Variants in ABCB5 observed in about 807,000 individuals in gnomAD.
The protein encoded by ABCB5 is ATP binding cassette subfamily B member 5.
Under a neutral mutation model 144.2 loss-of-function variants are expected in ABCB5, and 155 were observed. That is an observed-to-expected ratio of 1.08 (90% CI 0.94 to 1.23). The LOEUF (loss-of-function observed/expected upper bound fraction) is 1.23. Ranked by LOEUF, ABCB5 falls within the 50% of genes most tolerant of loss-of-function variation. ABCB5 has a pLI of 0.00. For missense variants in ABCB5, 1,830 were observed against 1,520.8 expected (o/e 1.20, Z -3.38); for synonymous variants, 610 against 528.6 (o/e 1.15, Z -2.11).
At chr7:20,742,688 C>CA (rs748777230) in intron 24 of ABCB5, among the ~76,000 whole-genome samples, 189 bp from the exon 25 acceptor site, 35 of 152,208 alleles carry the variant, frequency 2.3e-4, no homozygotes, top group South Asian at 1.0e-3. Context: ...AACACAGACA[C>CA]AAAAAAATAT....
At chr7:20,728,763 AAATT>A (rs1782120235) in intron 23 of ABCB5, among the ~76,000 whole-genome samples, 1 of 152,142 alleles carries the variant, frequency 6.6e-6, no homozygotes, top group African/African-American at 2.4e-5. Context: ...CAAAATAAAT[AAATT>A]AATTAATAAG....
Position 20,717,883 on chromosome 7 carries a change from C to CTTTTTTTTT in ABCB5, c.2422-5105_2422-5097dup, listed in dbSNP as rs574592723. ...AATACGGTAACATTCTTGTAACATT[C>CTTTTTTTTT]TTTTTTTTTTTTTTTTTTTTTTTTT... is the stretch of plus-strand genomic sequence containing the variant. On this transcript the variant is annotated intron_variant, in intron 20 of 27. Transcript: ENST00000404938. Among the ~76,000 whole-genome samples, 25 of 43,210 alleles carry CTTTTTTTTT rather than the reference C, an allele frequency of 5.8e-4. 11 individuals are homozygous for CTTTTTTTTT. Among genetic ancestry groups the CTTTTTTTTT allele is most frequent in the Admixed American group, 1.1e-3 (3 of 2,772 alleles). The allele number at this position is 43,210 out of a possible 152,430, so 28.3% of individuals were successfully genotyped here.
In ABCB5 at chr7:20,645,751, T is replaced by A; in HGVS notation, c.679-5T>A. On this transcript the variant is annotated splice_region_variant and splice_polypyrimidine_tract_variant and intron_variant, in intron 7 of 27. Transcript: ENST00000404938. The stretch of plus-strand genomic sequence containing the variant: ...TTTTTTAACTGTGGTTGTGGTTTAT[T>A]ACAGATGGTCATCTCATTGACCAGT... The A allele has an allele frequency of 6.2e-7, 1 of 1,613,634 alleles. No individual in the cohort carries two copies. The highest frequency in any genetic ancestry group is 1.1e-5 in the South Asian group (1 of 91,018).
In ABCB5 at chr7:20,753,453, A is replaced by C. The variant is rs749335246; in HGVS notation, c.3523A>C (p.Lys1175Gln). 1.2e-5 allele frequency: 19 copies of C among 1,614,132 alleles called. No individual in the cohort carries two copies. The highest frequency in any genetic ancestry group is 1.5e-5 in the Non-Finnish European group (18 of 1,179,982). Reference protein sequence around the residue: ...AIARALLQKPKILLLDEATSA... With the variant: ...AIARALLQKPQILLLDEATSA... The stretch of plus-strand genomic sequence containing the variant: ...TGCAAGGGCTCTTCTCCAAAAACCC[A>C]AAATTTTATTGTTGGATGAGGCCAC... Residue 1175 changes from lysine (K) to glutamine (Q), a missense_variant, in exon 27 of 28, where the codon AAA (lysine) becomes CAA (glutamine). Transcript: ENST00000404938.
chr7:20,688,596 T>G (rs1786086953), intron 16 of ABCB5, among the ~76,000 whole-genome samples: 1 of 152,214 alleles, frequency 6.6e-6, no homozygotes, highest in African/African-American at 2.4e-5. Flanking sequence ...AAATACCATT[T>G]GACCCAGCCA....
intron 20 of ABCB5, among the ~76,000 whole-genome samples, chr7:20,712,181 A>AG (rs1393293697): frequency 1.5e-5 from 2 of 131,686 alleles, no homozygotes; most frequent in East Asian, 4.8e-4. Context: ...AAAAAAAAAA[A>AG]AGATATTGAG....
chr7:20,693,507 A>G (rs935313924), intron 16 of ABCB5, among the ~76,000 whole-genome samples: 27 of 152,210 alleles, frequency 1.8e-4, no homozygotes, highest in African/African-American at 6.5e-4. Context: ...TAATGCACAA[A>G]TCAAAGGAAA....
In ABCB5 at chr7:20,755,820, T is replaced by C. The variant is rs1182463874; in HGVS notation, c.*196T>C. ...AGGAAGCAAAAATTTGCTTATTTCATGTAAGTGAAATAATGCTTATATCCT... is the reference window on the plus strand; with the variant it reads ...AGGAAGCAAAAATTTGCTTATTTCACGTAAGTGAAATAATGCTTATATCCT... On this transcript the variant is annotated 3_prime_UTR_variant, in exon 28 of 28. Coordinates refer to ENST00000404938, the MANE Select transcript of ABCB5 (RefSeq NM_001163941.2). 4 of 571,834 alleles carry C rather than the reference T, an allele frequency of 7.0e-6. No homozygotes were observed. Among genetic ancestry groups the C allele is most frequent in the South Asian group, 2.4e-5 (1 of 42,526 alleles). 35.4% of individuals were successfully genotyped at this position (571,834 alleles called of 1,614,324 possible).
At chr7:20,620,228 C>T (rs1479786630) in intron 1 of ABCB5, among the ~76,000 whole-genome samples, 1 of 152,116 alleles carries the variant, frequency 6.6e-6, no homozygotes, top group African/African-American at 2.4e-5. Context: ...TGAACTCTTA[C>T]TTTACACCAT....
chr7:20,672,973 C>A (rs1340170936), intron 14 of ABCB5, among the ~76,000 whole-genome samples: 2 of 151,704 alleles, frequency 1.3e-5, no homozygotes, highest in Middle Eastern at 3.2e-3. Context: ...TCCATTTTTT[C>A]TTTTTCTTTT....
chr7:20,660,386 G>A, intron 14 of ABCB5: 1 of 985,540 alleles, frequency 1.0e-6, no homozygotes, highest in Non-Finnish European at 1.2e-6. Context: ...TTAAATCAAT[G>A]TAGAAATAGG....
chr7:20,739,572 A>G (rs1480162134), intron 24 of ABCB5, among the ~76,000 whole-genome samples: 3 of 152,118 alleles, frequency 2.0e-5, no homozygotes, highest in Non-Finnish European at 4.4e-5. Context: ...TAAAATTTAT[A>G]TTTCATATTT....
intron 23 of ABCB5, among the ~76,000 whole-genome samples, chr7:20,737,223 AG>A (rs1782409536): frequency 6.6e-6 from 1 of 151,664 alleles, no homozygotes; most frequent in Non-Finnish European, 1.5e-5. Flanking sequence ...AACACCTCAA[AG>A]TCCACACTTC....
At chr7:20,689,659 C>T (rs574092195) in intron 16 of ABCB5, among the ~76,000 whole-genome samples, 1 of 152,136 alleles carries the variant, frequency 6.6e-6, no homozygotes, top group Admixed American at 6.5e-5. Flanking sequence ...AAAAACTATG[C>T]AGGCAGAACA....
intron 16 of ABCB5, among the ~76,000 whole-genome samples, chr7:20,692,084 C>T (rs1456984343): frequency 1.3e-5 from 2 of 152,072 alleles, no homozygotes; most frequent in Non-Finnish European, 2.9e-5. Flanking sequence ...AGAAATAATG[C>T]TTTAAAAATT....
At chr7:20,622,639 G>A (rs556931920) in intron 1 of ABCB5, among the ~76,000 whole-genome samples, 49 of 152,146 alleles carry the variant, frequency 3.2e-4, no homozygotes, top group African/African-American at 1.1e-3. Context: ...ATAATAAAAT[G>A]ATAATTTATA....
At chr7:20,726,896 A>C in intron 21 of ABCB5, 144 bp from the exon 22 acceptor site, 1 of 468,662 alleles carries the variant, frequency 2.1e-6, no homozygotes, top group Non-Finnish European at 3.7e-6. Context: ...TCTGGGAGGA[A>C]AGGAAGCTAA....
At chr7:20,664,071 A>G (rs768043338) in intron 14 of ABCB5, among the ~76,000 whole-genome samples, 19 of 151,944 alleles carry the variant, frequency 1.3e-4, no homozygotes, top group Non-Finnish European at 2.5e-4. Flanking sequence ...TAGTAATCTA[A>G]GCCTGAGTAC....
intron 14 of ABCB5, among the ~76,000 whole-genome samples, chr7:20,676,167 T>TACACACACACAAACACACAC (rs1785598623): frequency 8.0e-6 from 1 of 124,524 alleles, no homozygotes; most frequent in African/African-American, 3.3e-5. Flanking sequence ...CTACTACACA[T>TACACACACACAAACACACAC]ACACACACAC....
Sources: allele counts gnomAD v4.1 joint callset (sites outside exome capture counted in the v4.1 genomes callset), GRCh38; gene constraint gnomAD v4.1.1; transcripts MANE v1.5; gene names NCBI Gene and HGNC (gene_info 2026-07-23, HGNC 2026-07-21).